Variants in RMDN3 observed in about 807,000 individuals in gnomAD.
RMDN3 encodes the protein regulator of microtubule dynamics 3.
RMDN3 carries 41 observed loss-of-function variants against 61.8 expected under a neutral mutation model. That is an observed-to-expected ratio of 0.66 (90% CI 0.52 to 0.86). The LOEUF (loss-of-function observed/expected upper bound fraction) is 0.86. Among genes scored for constraint, RMDN3 ranks in the 40% least tolerant of loss-of-function variants. RMDN3 has a pLI of 0.00. For missense variants in RMDN3, 557 were observed against 585.3 expected (o/e 0.95, Z 0.50); for synonymous variants, 247 against 232.0 (o/e 1.06, Z -0.59).
At chr15:40,748,636 G>A (rs1224249189) in intron 4 of RMDN3, among the ~76,000 whole-genome samples, 1 of 152,188 alleles carries the variant, frequency 6.6e-6, no homozygotes, top group African/African-American at 2.4e-5. Context: ...GTCTTTCTCT[G>A]TCACCCAGGC....
chr15:40,736,469 C>G lies in RMDN3; in HGVS notation c.*72G>C. 2 of 1,409,522 alleles carry G rather than the reference C, an allele frequency of 1.4e-6. No individual in the cohort carries two copies. The highest frequency in any genetic ancestry group is 2.3e-5 in the East Asian group (1 of 43,956). The allele number at this position is 1,409,522 out of a possible 1,614,324, so 87.3% of individuals were successfully genotyped here. On this transcript the variant is annotated 3_prime_UTR_variant, in exon 13 of 13. Transcript: ENST00000338376. The stretch of plus-strand genomic sequence containing the variant: ...TGTGGTTTCCTGATCTCAGCAAGGT[C>G]TAAGGAAAAAAGCCTCCCCGCCCCC...
chr15:40,741,089 C>T (rs1034783257), intron 6 of RMDN3, among the ~76,000 whole-genome samples: 1 of 151,540 alleles, frequency 6.6e-6, no homozygotes, highest in Non-Finnish European at 1.5e-5. Context: ...AAAAAAACAA[C>T]AACAACGGAT....
Position 40,737,186 on chromosome 15 carries a change from T to G in RMDN3, c.1297A>C (p.Lys433Gln). Reference sequence around the variant, plus strand: ...ATCCACCATCTAGCTTCAGAGTTTTTCCCTAGTTCTCTGTAGCACTGAAAA... The same window carrying G: ...ATCCACCATCTAGCTTCAGAGTTTTGCCCTAGTTCTCTGTAGCACTGAAAA... ...YISKCYRELG[K>Q]NSEARWWMKL... The change falls in exon 12 of 13, where the codon AAA (lysine) becomes CAA (glutamine). Residue 433 changes from lysine to glutamine, a missense_variant. Coordinates refer to ENST00000338376, the MANE Select transcript of RMDN3 (RefSeq NM_018145.3). 1 of 1,614,206 alleles carries G rather than the reference T, an allele frequency of 6.2e-7. No homozygotes were observed. The highest frequency in any genetic ancestry group is 8.5e-7 in the Non-Finnish European group (1 of 1,180,026).
At position 40,754,749 on chromosome 15, in the gene RMDN3, G is replaced by A. The variant is rs1421161912; in HGVS notation, c.35C>T (p.Ala12Val). The A allele has an allele frequency of 6.3e-7, 1 of 1,596,622 alleles. No individual in the cohort carries two copies. Among genetic ancestry groups the A allele is most frequent in the Non-Finnish European group, 8.6e-7 (1 of 1,168,746 alleles). ...GGTACCCAGCAACAGTCCCAGCCCG[G>A]CACGGGCACCACCCAGGGCTCCCAG... ...SRLGALGGAR[A>V]GLGLLLGTAA... Residue 12 changes from alanine to valine, a missense_variant, in exon 2 of 13, where the codon GCC becomes GTC. By Grantham distance (64) the Ala-to-Val change is moderately conservative. Transcript: ENST00000338376.
chr15:40,737,300 T>C lies in RMDN3; in HGVS notation c.1266A>G (p.Val422=), dbSNP rs1897094625. ...LQPGFSKAGR[V]YISKCYRELG... ...CAAATGAGTTTACCTTGGAAATATA[T>C]ACCCTTCCTGCTTTGGAAAATCCTG... Residue 422 remains valine (V), a synonymous_variant, in exon 11 of 13, where the codon GTA becomes GTG. Coordinates refer to ENST00000338376, the MANE Select transcript of RMDN3 (RefSeq NM_018145.3). 3.1e-6 allele frequency: 5 copies of C among 1,613,980 alleles called. No individual in the cohort carries two copies. The East Asian group carries it at 1.1e-4, about 36-fold the overall frequency.
chr15:40,749,969 G>A (rs1347245131), intron 4 of RMDN3, among the ~76,000 whole-genome samples: 2 of 152,132 alleles, frequency 1.3e-5, no homozygotes, highest in East Asian at 1.9e-4. Context: ...CAAATCCAGC[G>A]TTGGTGATAA....
In RMDN3 at chr15:40,751,491, G is replaced by A. The variant is rs1897819185; in HGVS notation, c.459C>T (p.Gly153=). ...PFVRERSDST[G]SSSVYFTASS... ...AGGCCGTGAAGTAGACAGAGCTGGA[G>A]CCAGTGGAGTCACTCCTCTCCCGGA... The change falls in exon 4 of 13, where the codon GGC becomes GGT. Residue 153 remains glycine, a synonymous_variant. Coordinates refer to ENST00000338376, the MANE Select transcript of RMDN3 (RefSeq NM_018145.3). 1 of 1,614,222 alleles carries A rather than the reference G, an allele frequency of 6.2e-7. No homozygotes were observed. Among genetic ancestry groups the A allele is most frequent in the Non-Finnish European group, 8.5e-7 (1 of 1,180,036 alleles).
intron 9 of RMDN3, 68 bp from the exon 10 acceptor site, chr15:40,737,794 A>G: frequency 6.5e-7 from 1 of 1,541,998 alleles, no homozygotes; most frequent in Non-Finnish European, 8.9e-7. Flanking sequence ...ATCTTTGGGG[A>G]TATATTGAAA....
intron 4 of RMDN3, among the ~76,000 whole-genome samples, chr15:40,748,907 ATT>A (rs60673924): frequency 1.4e-5 from 2 of 140,280 alleles, no homozygotes; most frequent in Non-Finnish European, 3.1e-5. Context: ...AGCCTCAGTA[ATT>A]TTTTTTTTTT....
intron 2 of RMDN3, among the ~76,000 whole-genome samples, chr15:40,752,708 A>C (rs1031479208): frequency 1.3e-5 from 2 of 152,204 alleles, no homozygotes; most frequent in African/African-American, 4.8e-5. Context: ...GAAAAGGTAC[A>C]CCAGAAAAAG....
intron 7 of RMDN3, chr15:40,739,194 G>A (rs1296195359): frequency 3.9e-5 from 6 of 152,132 alleles, no homozygotes; most frequent in Non-Finnish European, 8.8e-5. Context: ...TCTGTCTTCA[G>A]AAACAAAGTC....
intron 4 of RMDN3, among the ~76,000 whole-genome samples, chr15:40,749,798 G>T (rs1897736091): frequency 6.6e-6 from 1 of 152,164 alleles, no homozygotes; most frequent in African/African-American, 2.4e-5. Context: ...TCTTGGCCCA[G>T]AGCCATTTAG....
chr15:40,738,199 C>G (rs1897139666), intron 8 of RMDN3, among the ~76,000 whole-genome samples, 157 bp from the exon 9 acceptor site: 1 of 152,148 alleles, frequency 6.6e-6, no homozygotes, highest in Non-Finnish European at 1.5e-5. Context: ...CCAGTCCTGG[C>G]CAACATGGTG....
intron 7 of RMDN3, 93 bp from the exon 8 acceptor site, chr15:40,738,669 T>C (rs959067316): frequency 5.9e-6 from 7 of 1,178,922 alleles, no homozygotes; most frequent in Non-Finnish European, 8.8e-6. Flanking sequence ...CATTGTCCCC[T>C]ATCCCTGTAC....
intron 5 of RMDN3, among the ~76,000 whole-genome samples, chr15:40,744,502 G>T (rs368872208): frequency 7.3e-5 from 11 of 150,004 alleles, no homozygotes; most frequent in Admixed American, 2.0e-4. Flanking sequence ...CTAACTTCTG[G>T]GGGGGGGGCA....
chr15:40,751,680 G>A (rs1267545520), intron 3 of RMDN3, 111 bp from the exon 4 acceptor site: 1 of 1,499,498 alleles, frequency 6.7e-7, no homozygotes, highest in East Asian at 2.3e-5. Flanking sequence ...GCTAAAAGCA[G>A]AGAAAATCCT....
At chr15:40,751,954 G>A (rs1164290348) in intron 3 of RMDN3, 32 bp downstream of exon 3, 1 of 1,601,720 alleles carries the variant, frequency 6.2e-7, no homozygotes, top group Non-Finnish European at 8.5e-7. Flanking sequence ...GCAGGGGAGG[G>A]ATAAAGCAGG....
chr15:40,753,540 AAAG>A (rs1366552619), intron 2 of RMDN3, among the ~76,000 whole-genome samples: 1 of 151,904 alleles, frequency 6.6e-6, no homozygotes, highest in East Asian at 1.9e-4. Flanking sequence ...AGAAAAAAGA[AAAG>A]AAAAGAAAAA....
chr15:40,752,401 C>G (rs889832538), intron 2 of RMDN3, among the ~76,000 whole-genome samples: 7 of 152,114 alleles, frequency 4.6e-5, no homozygotes, highest in Non-Finnish European at 1.0e-4. Flanking sequence ...TACCAGGGCC[C>G]TTCAGGAATG....
Sources: allele counts gnomAD v4.1 joint callset (sites outside exome capture counted in the v4.1 genomes callset), GRCh38; gene constraint gnomAD v4.1.1; transcripts MANE v1.5; gene names NCBI Gene and HGNC (gene_info 2026-07-23, HGNC 2026-07-21).